Variants in AIG1 observed in about 807,000 individuals in gnomAD.
AIG1 encodes the protein androgen-induced gene 1 protein.
Under a neutral mutation model 31.4 loss-of-function variants are expected in AIG1, and 23 were observed. That is an observed-to-expected ratio of 0.73 (90% CI 0.53 to 1.04). The LOEUF (loss-of-function observed/expected upper bound fraction) is 1.04. AIG1 is among the 50% of genes least tolerant of loss of function. The probability of loss-of-function intolerance (pLI) is 0.00; values close to 1 mark genes in which losing one functional copy is unlikely to be tolerated. For synonymous variants in AIG1, 100 were observed against 110.5 expected (o/e 0.90, Z 0.60); for missense variants, 274 against 295.0 (o/e 0.93, Z 0.52).
intron 3 of AIG1, among the ~76,000 whole-genome samples, chr6:143,263,023 G>A (rs978932167): frequency 7.2e-5 from 11 of 152,100 alleles, no homozygotes; most frequent in Non-Finnish European, 1.5e-4. Context: ...TATTTGTTAG[G>A]GCACTGATGT....
intron 3 of AIG1, among the ~76,000 whole-genome samples, chr6:143,198,958 T>C (rs1790476618): frequency 6.6e-6 from 1 of 152,116 alleles, no homozygotes; most frequent in African/African-American, 2.4e-5. Flanking sequence ...GTCCCAATCT[T>C]TGATAAACCT....
intron 3 of AIG1, among the ~76,000 whole-genome samples, chr6:143,257,799 G>A (rs1795471567): frequency 6.6e-6 from 1 of 152,106 alleles, no homozygotes; most frequent in African/African-American, 2.4e-5. Context: ...TGTGCTAAGG[G>A]CCTTGGAGAC....
At chr6:143,196,391 ACACACC>A (rs1320437688) in intron 3 of AIG1, among the ~76,000 whole-genome samples, 7 of 133,856 alleles carry the variant, frequency 5.2e-5, no homozygotes, top group South Asian at 5.3e-4. Flanking sequence ...ACACACACAC[ACACACC>A]CCAATTTGAT....
intron 3 of AIG1, among the ~76,000 whole-genome samples, chr6:143,203,358 A>G (rs1242573542): frequency 1.3e-5 from 2 of 152,206 alleles, no homozygotes; most frequent in East Asian, 3.8e-4. Context: ...TGTTTCCCAC[A>G]GCCAGATGGA....
chr6:143,226,246 A>ATT (rs1554259707), intron 3 of AIG1, among the ~76,000 whole-genome samples: 248 of 142,060 alleles, frequency 1.7e-3, no homozygotes, highest in African/African-American at 4.8e-3. Context: ...ATATATATAT[A>ATT]TTTTTTTTTT....
chr6:143,060,912 G>A lies in AIG1; in HGVS notation c.-14G>A. 6.3e-7 allele frequency: 1 copy of A among 1,596,790 alleles called. No homozygotes were observed. Among genetic ancestry groups the A allele is most frequent in the Non-Finnish European group, 8.5e-7 (1 of 1,173,376 alleles). Reference sequence around the variant, plus strand: ...CCCTCCTTGCCGCCCAGCCGGTCCAGGCCTCTGGCGAACATGGCGCTTGTC... The same window carrying A: ...CCCTCCTTGCCGCCCAGCCGGTCCAAGCCTCTGGCGAACATGGCGCTTGTC... On this transcript the variant is annotated 5_prime_UTR_variant, in exon 1 of 6. Transcript: ENST00000357847.
chr6:143,240,235 A>G (rs952551721), intron 3 of AIG1, among the ~76,000 whole-genome samples: 1 of 152,176 alleles, frequency 6.6e-6, no homozygotes, highest in Non-Finnish European at 1.5e-5. Context: ...GCCTCTAAGG[A>G]TTGTTGTAAG....
rs1185321313 is a variant in AIG1 at position 143,297,157 on chromosome 6, G to T, written c.515+12932G>T. ...CTTAGAGAGTTCTGAAAGGCTTCCCGGAGGAAATGACATGTAAGCTGCCTC... is the reference window on the plus strand; with the variant it reads ...CTTAGAGAGTTCTGAAAGGCTTCCCTGAGGAAATGACATGTAAGCTGCCTC... On this transcript the variant is annotated intron_variant, in intron 4 of 5. Transcript: ENST00000357847. The surrounding 1 kb of genome is among the most constrained non-coding windows in gnomAD (Gnocchi z 5.1). Among the ~76,000 whole-genome samples the T allele has an allele frequency of 2.0e-5, 3 of 152,162 alleles. No homozygotes were observed. The highest frequency in any genetic ancestry group is 4.4e-5 in the Non-Finnish European group (3 of 68,032).
chr6:143,255,308 A>G (rs541320357), intron 3 of AIG1, among the ~76,000 whole-genome samples: 1 of 152,312 alleles, frequency 6.6e-6, no homozygotes, highest in African/African-American at 2.4e-5. Flanking sequence ...GGCTTAAACA[A>G]CAGAAATTTG....
intron 3 of AIG1, among the ~76,000 whole-genome samples, chr6:143,199,188 A>G (rs564927572): frequency 8.5e-5 from 13 of 152,314 alleles, no homozygotes; most frequent in Admixed American, 2.6e-4. Context: ...TGAATTGAGA[A>G]TATTTGAACA....
At chr6:143,264,603 G>A (rs1469908790) in intron 3 of AIG1, among the ~76,000 whole-genome samples, 1 of 152,150 alleles carries the variant, frequency 6.6e-6, no homozygotes, top group Non-Finnish European at 1.5e-5. Context: ...TCCAAACAAA[G>A]CCCCAGATTC....
chr6:143,190,964 G>C (rs189256709), intron 3 of AIG1, among the ~76,000 whole-genome samples: 59 of 152,232 alleles, frequency 3.9e-4, no homozygotes, highest in African/African-American at 1.3e-3. Flanking sequence ...TCTGGGATAA[G>C]ACTGAGACAC....
chr6:143,198,479 A>T (rs1790436614), intron 3 of AIG1, among the ~76,000 whole-genome samples: 1 of 152,250 alleles, frequency 6.6e-6, no homozygotes. Flanking sequence ...TAGAAAAATT[A>T]TAAAACTGAC....
intron 1 of AIG1, among the ~76,000 whole-genome samples, chr6:143,093,252 A>G (rs1174469121): frequency 2.0e-5 from 3 of 152,114 alleles, no homozygotes; most frequent in Non-Finnish European, 2.9e-5. Context: ...ACTTGCTGCA[A>G]CTTCTACTTC....
chr6:143,210,492 G>A (rs1416708668), intron 3 of AIG1, among the ~76,000 whole-genome samples: 1 of 152,198 alleles, frequency 6.6e-6, no homozygotes, highest in Non-Finnish European at 1.5e-5. Context: ...TCAGGAACCT[G>A]AAGGAGTAGT....
chr6:143,219,039 A>G lies in AIG1; in HGVS notation c.399+53856A>G, dbSNP rs199604967. 1.4e-4 allele frequency among the ~76,000 whole-genome samples: 21 copies of G among 152,312 alleles called. No individual in the cohort carries two copies. In the East Asian group the frequency reaches 4.0e-3, roughly 29 times the overall value. ...GTCCTGTATTCGTTGTTCAAAATTA[A>G]TTAAATAGAAGAGTTACTTTCCAAA... is the stretch of plus-strand genomic sequence containing the variant. On this transcript the variant is annotated intron_variant, in intron 3 of 5. Transcript: ENST00000357847.
chr6:143,158,005 G>A (rs1404253885), intron 2 of AIG1, among the ~76,000 whole-genome samples: 1 of 152,172 alleles, frequency 6.6e-6, no homozygotes, highest in Non-Finnish European at 1.5e-5. Flanking sequence ...AGGGAATGGA[G>A]CTAGGGCAGC....
intron 2 of AIG1, among the ~76,000 whole-genome samples, chr6:143,138,343 A>T (rs770651939): frequency 2.6e-5 from 4 of 152,240 alleles, no homozygotes; most frequent in Non-Finnish European, 4.4e-5. Flanking sequence ...CTATCAGAAT[A>T]GTCATCTAAG....
At chr6:143,068,971 T>C (rs1776989021) in intron 1 of AIG1, among the ~76,000 whole-genome samples, 1 of 152,160 alleles carries the variant, frequency 6.6e-6, no homozygotes, top group South Asian at 2.1e-4. Flanking sequence ...TATGAACATA[T>C]GGTTTTTATA....
Sources: gnomAD v4.1 joint callset for allele counts (sites outside exome capture counted in the v4.1 genomes callset) on GRCh38, gnomAD v4.1.1 for gene constraint, Gnocchi (gnomAD v3.1) non-coding constraint, MANE v1.5 for transcripts, NCBI Gene and HGNC (gene_info 2026-07-23, HGNC 2026-07-21) for gene names.